MAN2A1: variants seen among roughly 807,000 people sequenced by gnomAD.
MAN2A1 encodes the protein alpha-mannosidase 2.
A neutral mutation model predicts 142.6 loss-of-function variants in MAN2A1; 76 were observed. The ratio of observed to expected loss-of-function variants is 0.53; its 90% CI spans 0.44 to 0.65. MAN2A1 has a LOEUF of 0.65. MAN2A1 is among the 30% of genes least tolerant of loss of function. MAN2A1 has a pLI of 0.00. For synonymous variants in MAN2A1, 559 were observed against 473.2 expected, an observed-to-expected ratio of 1.18 and a Z score of -2.35; for missense variants, 1,311 against 1,365.1, an observed-to-expected ratio of 0.96 and a Z score of 0.62.
At chr5:109,731,920 C>A (rs1368735333) in intron 4 of MAN2A1, among the ~76,000 whole-genome samples, 1 of 150,550 alleles carries the variant, frequency 6.6e-6, no homozygotes, top group Non-Finnish European at 1.5e-5. Context: ...AGTTCTGGAT[C>A]CCTGAGGAAT....
At chr5:109,696,780 C>T (rs1483362362) in intron 1 of MAN2A1, among the ~76,000 whole-genome samples, 1 of 152,202 alleles carries the variant, frequency 6.6e-6, no homozygotes, top group Non-Finnish European at 1.5e-5. Flanking sequence ...ATGTCGTTAG[C>T]ACTTCTGTGT....
rs760135139 is a variant in MAN2A1 at position 109,819,750 on chromosome 5, G to A, written c.2191G>A (p.Ala731Thr). The change falls in exon 14 of 22, where the codon GCT becomes ACT. Residue 731 changes from alanine to threonine, a missense_variant. This residue lies in a region of MAN2A1 where 890 missense variants were observed against 920.5 expected (regional missense o/e 0.97). Coordinates refer to ENST00000261483, the MANE Select transcript of MAN2A1 (RefSeq NM_002372.4). ...ATCAGCAAGTTCAAATTCACATTTA[G>A]CTGATTATGTCTTGTATAAGAATAA... ...LESASSNSHLADYVLYKNKVE... is the reference protein window; with the variant it reads ...LESASSNSHLTDYVLYKNKVE... 4 of 1,611,968 alleles carry A rather than the reference G, an allele frequency of 2.5e-6. No individual in the cohort carries two copies. The highest frequency in any genetic ancestry group is 2.2e-5 in the South Asian group (2 of 90,800).
intron 12 of MAN2A1, among the ~76,000 whole-genome samples, chr5:109,792,337 C>T (rs1164240142): frequency 1.3e-5 from 2 of 151,904 alleles, no homozygotes; most frequent in Admixed American, 6.6e-5. Flanking sequence ...CTGTGAAATG[C>T]ATCTTCTCTT....
chr5:109,746,266 C>T (rs980107026), intron 4 of MAN2A1, among the ~76,000 whole-genome samples: 5 of 152,154 alleles, frequency 3.3e-5, no homozygotes, highest in Admixed American at 6.6e-5. Context: ...TGAACCACCG[C>T]GTCTGGCCTC....
chr5:109,741,723 C>T (rs1752272829), intron 4 of MAN2A1, among the ~76,000 whole-genome samples: 1 of 152,168 alleles, frequency 6.6e-6, no homozygotes, highest in African/African-American at 2.4e-5. Context: ...TTATCCCCTC[C>T]CCCAGCAGCA....
At chr5:109,852,460 C>T (rs1405987081) in intron 19 of MAN2A1, among the ~76,000 whole-genome samples, 1 of 152,178 alleles carries the variant, frequency 6.6e-6, no homozygotes, top group Non-Finnish European at 1.5e-5. Flanking sequence ...CTTACTATCT[C>T]ACCATGATTT....
rs867184393 is a variant in MAN2A1, at chr5:109,690,527, C to G, written c.110C>G (p.Pro37Arg). 5 of 1,610,564 alleles carry G rather than the reference C, an allele frequency of 3.1e-6. No individual in the cohort carries two copies. The highest frequency in any genetic ancestry group is 2.7e-5 in the African/African-American group (2 of 74,952). The change falls in exon 1 of 22, where the codon CCG (proline) becomes CGG (arginine). Residue 37 changes from proline to arginine, a missense_variant. This residue lies in a region of MAN2A1 where 409 missense variants were observed against 412.7 expected (regional missense o/e 0.99). Coordinates refer to ENST00000261483, the MANE Select transcript of MAN2A1 (RefSeq NM_002372.4). The part of the protein sequence containing the change: ...DRGHLDYPRN[P>R]RREGSFPQGQ... ...GGTCACTTAGACTACCCCAGGAACC[C>G]GCGCCGCGAGGGCTCCTTCCCTCAG...
Position 109,867,119 on chromosome 5 carries a change from C to A in MAN2A1, c.*121C>A. On this transcript the variant is annotated 3_prime_UTR_variant, in exon 22 of 22. Transcript: ENST00000261483. ...CTGTGAGAACATGAATTCTGTGATT[C>A]TGTGGGTTTTTTCTTTTTTCTTTTA... is the stretch of plus-strand genomic sequence containing the variant. The A allele has an allele frequency of 6.5e-6, 3 of 463,744 alleles. No individual in the cohort carries two copies. The highest frequency in any genetic ancestry group is 9.9e-6 in the Non-Finnish European group (3 of 301,914). 28.7% of individuals were successfully genotyped at this position (463,744 alleles called of 1,614,324 possible). A position where few individuals can be genotyped will look rare whatever the true frequency, so the allele number is the denominator to read the frequency against.
chr5:109,799,283 T>C (rs953374589), intron 12 of MAN2A1, among the ~76,000 whole-genome samples: 1 of 152,196 alleles, frequency 6.6e-6, no homozygotes, highest in African/African-American at 2.4e-5. Flanking sequence ...TAACGTGGCT[T>C]GTGTGCCTGT....
intron 5 of MAN2A1, among the ~76,000 whole-genome samples, chr5:109,766,574 G>T (rs941656785): frequency 6.6e-6 from 1 of 151,766 alleles, no homozygotes; most frequent in African/African-American, 2.4e-5. Context: ...GTGTTACTTT[G>T]TGTTACACTT....
chr5:109,793,073 G>A (rs1027546052), intron 12 of MAN2A1, among the ~76,000 whole-genome samples: 3 of 152,098 alleles, frequency 2.0e-5, no homozygotes, highest in Non-Finnish European at 4.4e-5. Flanking sequence ...TGAGGAGCAT[G>A]TATAGGAAGC....
intron 5 of MAN2A1, among the ~76,000 whole-genome samples, chr5:109,763,804 C>CT (rs34748595): frequency 0.024 from 3,457 of 143,674 alleles, 123 homozygotes; most frequent in African/African-American, 0.076. Flanking sequence ...ACCATTATAA[C>CT]TTTTTTTTTT....
intron 21 of MAN2A1, among the ~76,000 whole-genome samples, chr5:109,866,422 A>ACGT (rs1338983072): frequency 6.6e-6 from 1 of 152,140 alleles, no homozygotes; most frequent in Non-Finnish European, 1.5e-5. Flanking sequence ...GTTGAGGACT[A>ACGT]CCATTGTTAG....
chr5:109,691,440 A>G (rs1750669856), intron 1 of MAN2A1, among the ~76,000 whole-genome samples: 3 of 152,206 alleles, frequency 2.0e-5, no homozygotes, highest in African/African-American at 7.2e-5. Flanking sequence ...GTGCTCTGTA[A>G]CGAATGAACC....
rs377397270 is a variant in MAN2A1 at position 109,789,891 on chromosome 5, A to G, written c.1943+364A>G. Among the ~76,000 whole-genome samples, 16 of 151,896 alleles carry G rather than the reference A, an allele frequency of 1.1e-4. No individual in the cohort carries two copies. The East Asian group carries it at 1.5e-3, about 15-fold the overall frequency. On this transcript the variant is annotated intron_variant, in intron 12 of 21. Transcript: ENST00000261483. ...TTCATTAATCCCTGATCCTATTTTTATATGAAAGAAGAAACTTTATTATTA... is the reference window on the plus strand; with the variant it reads ...TTCATTAATCCCTGATCCTATTTTTGTATGAAAGAAGAAACTTTATTATTA...
At position 109,855,154 on chromosome 5, in the gene MAN2A1, G is replaced by T; in HGVS notation, c.2991G>T (p.Lys997Asn). 6.5e-7 allele frequency: 1 copy of T among 1,544,970 alleles called. No individual in the cohort carries two copies. The highest frequency in any genetic ancestry group is 2.5e-5 in the East Asian group (1 of 40,192). ...TTTCTTGATAGGAAGAAGAAAAGAA[G>T]TCGGTCAGTTATCCTTCTCTCCTTA... ...RSAVNTEEEK[K>N]SVSYPSLLSH... Residue 997 changes from lysine to asparagine, a missense_variant, in exon 20 of 22, where the codon AAG becomes AAT. By Grantham distance (94) the Lys-to-Asn change is moderately conservative. This residue lies in a region of MAN2A1 where 890 missense variants were observed against 920.5 expected (regional missense o/e 0.97). Transcript: ENST00000261483.
chr5:109,733,040 G>C (rs1423770058), intron 4 of MAN2A1, among the ~76,000 whole-genome samples: 9 of 152,170 alleles, frequency 5.9e-5, no homozygotes, highest in African/African-American at 2.2e-4. Flanking sequence ...TTATTTCATT[G>C]AGCAGTGGTT....
In MAN2A1 at chr5:109,761,215, A is replaced by G. The variant is rs530863420; in HGVS notation, c.835+5759A>G. Among the ~76,000 whole-genome samples, 9 of 151,670 alleles carry G rather than the reference A, an allele frequency of 5.9e-5. No individual in the cohort carries two copies. In the East Asian group the frequency reaches 9.7e-4, roughly 16 times the overall value. On this transcript the variant is annotated intron_variant, in intron 5 of 21. Coordinates refer to ENST00000261483, the MANE Select transcript of MAN2A1 (RefSeq NM_002372.4). ...AATTATCTTTTTAAATACTTATAGT[A>G]TTTAGACTATATGTCTGTTTAGTAT...
At chr5:109,856,247 T>C (rs1231370895) in intron 20 of MAN2A1, among the ~76,000 whole-genome samples, 1 of 152,088 alleles carries the variant, frequency 6.6e-6, no homozygotes, top group African/African-American at 2.4e-5. Context: ...AGGGGAAAAA[T>C]AGCAATAGTA....
Sources: allele counts gnomAD v4.1 joint callset (sites outside exome capture counted in the v4.1 genomes callset), GRCh38; gene constraint gnomAD v4.1.1; regional missense constraint gnomAD v4.1.1; transcripts MANE v1.5; gene names NCBI Gene and HGNC (gene_info 2026-07-23, HGNC 2026-07-21).